Variants in ZGRF1 observed in about 807,000 individuals in gnomAD.
ZGRF1 encodes the protein 5'-3' DNA helicase ZGRF1.
ZGRF1 carries 196 observed loss-of-function variants against 203.5 expected under a neutral mutation model. The ratio of observed to expected loss-of-function variants is 0.96; its 90% CI spans 0.86 to 1.08. The LOEUF is 1.08. Ranked by LOEUF, ZGRF1 falls within the 50% of genes least tolerant of loss-of-function variation. ZGRF1 has a pLI of 0.00. For missense variants in ZGRF1, 2,326 were observed against 2,416.3 expected (o/e 0.96, Z 0.78); for synonymous variants, 809 against 841.3 (o/e 0.96, Z 0.66).
At position 112,618,614 on chromosome 4, in the gene ZGRF1, C is replaced by T. The variant is rs1210589567; in HGVS notation, c.1428G>A (p.Glu476=). The T allele has an allele frequency of 6.2e-7, 1 of 1,613,506 alleles. No homozygotes were observed. Among genetic ancestry groups the T allele is most frequent in the Non-Finnish European group, 8.5e-7 (1 of 1,179,706 alleles). The part of the protein sequence containing the change: ...GTLEKEYEQS[E]SSLPELKHLQ... ...GATGTTTCAGTTCTGGCAGAGATGA[C>T]TCTGATTGTTCATACTCCTTTTCCA... The change falls in exon 6 of 28, where the codon GAG becomes GAA. Residue 476 remains glutamate, a synonymous_variant. Transcript: ENST00000505019.
chr4:112,618,235 ATGTCACTGTAGGTT>A lies in ZGRF1; in HGVS notation c.1793_1806del (p.Lys598IlefsTer4). On this transcript the variant is annotated frameshift_variant, in exon 6 of 28. Coordinates refer to ENST00000505019, the MANE Select transcript of ZGRF1 (RefSeq NM_018392.5). LOFTEE classifies it high-confidence loss of function. ...GATGGCAGAGTCTCTTTAACAGGAA[ATGTCACTGTAGGTT>A]TGTCACTAACAGATGTTAAGAATGG... 3 of 1,613,938 alleles carry A rather than the reference ATGTCACTGTAGGTT, an allele frequency of 1.9e-6. No homozygotes were observed. Among genetic ancestry groups the A allele is most frequent in the Non-Finnish European group, 2.5e-6 (3 of 1,179,906 alleles).
intron 18 of ZGRF1, chr4:112,561,506 G>T (rs1169144341): frequency 6.6e-6 from 1 of 152,410 alleles, no homozygotes; most frequent in East Asian, 1.9e-4. Flanking sequence ...GAAATCAAAG[G>T]ATATTTATTT....
At position 112,566,993 on chromosome 4, in the gene ZGRF1, T is replaced by C. The variant is rs1743230093; in HGVS notation, c.4439-3719A>G. On this transcript the variant is annotated intron_variant, in intron 16 of 27. Coordinates refer to ENST00000505019, the MANE Select transcript of ZGRF1 (RefSeq NM_018392.5). ...GCAATGCAAGTTCTGTGCCATAAAGTGTGGAGAAAAACAGATGGTAACTCA... is the reference window on the plus strand; with the variant it reads ...GCAATGCAAGTTCTGTGCCATAAAGCGTGGAGAAAAACAGATGGTAACTCA... Among the ~76,000 whole-genome samples, 3 of 151,136 alleles carry C rather than the reference T, an allele frequency of 2.0e-5. No individual in the cohort carries two copies. In the South Asian group the frequency reaches 6.3e-4, roughly 32 times the overall value.
intron 2 of ZGRF1, among the ~76,000 whole-genome samples, chr4:112,632,402 T>C (rs146778082): frequency 1.1e-3 from 166 of 152,300 alleles, no homozygotes; most frequent in African/African-American, 3.6e-3. Flanking sequence ...GTACTAATAA[T>C]CTGTGCAGTT....
chr4:112,611,699 T>C (rs1432524290), intron 7 of ZGRF1, among the ~76,000 whole-genome samples: 1 of 152,226 alleles, frequency 6.6e-6, no homozygotes, highest in Non-Finnish European at 1.5e-5. Context: ...GTTTTATATG[T>C]AGGGTAACAG....
intron 6 of ZGRF1, among the ~76,000 whole-genome samples, chr4:112,614,255 T>C (rs1050874476): frequency 2.0e-5 from 3 of 152,206 alleles, no homozygotes; most frequent in South Asian, 2.1e-4. Context: ...TAGAGAAATA[T>C]ATTTGTATCA....
chr4:112,569,240 A>G (rs1479082277), intron 16 of ZGRF1, among the ~76,000 whole-genome samples: 1 of 152,254 alleles, frequency 6.6e-6, no homozygotes, highest in African/African-American at 2.4e-5. Context: ...CAAGATTTAG[A>G]CTAGAACTAC....
At chr4:112,613,989 G>GT (rs1412894706) in intron 6 of ZGRF1, among the ~76,000 whole-genome samples, 3 of 152,122 alleles carry the variant, frequency 2.0e-5, no homozygotes, top group African/African-American at 7.2e-5. Flanking sequence ...TTTCTAACAA[G>GT]TTTTTTTAAA....
chr4:112,602,303 G>T (rs34135583), intron 10 of ZGRF1, among the ~76,000 whole-genome samples: 59,531 of 151,966 alleles, frequency 0.39, 11,883 homozygotes, highest in South Asian at 0.49. Context: ...CTATCAGGCA[G>T]GAAAATGCAA....
intron 14 of ZGRF1, 28 bp from the exon 15 acceptor site, chr4:112,584,202 T>C (rs746197619): frequency 4.0e-5 from 58 of 1,467,774 alleles, no homozygotes; most frequent in Non-Finnish European, 5.0e-5. Flanking sequence ...AGATCAACAT[T>C]TAGTGAAAAA....
In ZGRF1 at chr4:112,618,786, C is replaced by T. The variant is rs137989069; in HGVS notation, c.1256G>A (p.Cys419Tyr). ...FNESSSLQVTCSSAENDGILS... is the reference protein window; with the variant it reads ...FNESSSLQVTYSSAENDGILS... ...TATACCATCATTTTCTGCACTGCTACAAGTAACCTGTAAGCTACTGCTTTC... is the reference window on the plus strand; with the variant it reads ...TATACCATCATTTTCTGCACTGCTATAAGTAACCTGTAAGCTACTGCTTTC... Residue 419 changes from cysteine (C) to tyrosine (Y), a missense_variant, in exon 6 of 28, where the codon TGT becomes TAT. Coordinates refer to ENST00000505019, the MANE Select transcript of ZGRF1 (RefSeq NM_018392.5). The T allele has an allele frequency of 1.1e-5, 17 of 1,612,216 alleles. No individual in the cohort carries two copies. Among genetic ancestry groups the T allele is most frequent in the Admixed American group, 3.3e-5 (2 of 59,980 alleles).
chr4:112,618,134 C>A lies in ZGRF1; in HGVS notation c.1908G>T (p.Glu636Asp). The A allele has an allele frequency of 6.2e-7, 1 of 1,613,830 alleles. No homozygotes were observed. The highest frequency in any genetic ancestry group is 8.5e-7 in the Non-Finnish European group (1 of 1,179,838). ...CKTENTGKEI[E>D]EYSDTLSNFE... ...AATTGCTTAATGTGTCACTATACTC[C>A]TCTATTTCTTTTCCTGTGTTTTCAG... Residue 636 changes from glutamate (E) to aspartate (D), a missense_variant, in exon 6 of 28, where the codon GAG becomes GAT. Transcript: ENST00000505019.
chr4:112,631,355 T>C (rs28379270), intron 3 of ZGRF1, among the ~76,000 whole-genome samples: 8,058 of 151,810 alleles, frequency 0.053, 412 homozygotes, highest in East Asian at 0.19. Flanking sequence ...ATTTTAAAAA[T>C]ATACAAAAAA....
At position 112,589,782 on chromosome 4, in the gene ZGRF1, A is replaced by G; in HGVS notation, c.3069T>C (p.Ser1023=). The change falls in exon 11 of 28, where the codon TCT becomes TCC. Residue 1023 remains serine, a synonymous_variant. Coordinates refer to ENST00000505019, the MANE Select transcript of ZGRF1 (RefSeq NM_018392.5). ...AAGTTCTTGCTTTCAGGGACGTCTC[A>G]GAGAATTCTACCATGAAGTCTTCAT... is the stretch of plus-strand genomic sequence containing the variant. The part of the protein sequence containing the change: ...SRDEDFMVEF[S]ETSLKARTLP... 1 of 1,613,734 alleles carries G rather than the reference A, an allele frequency of 6.2e-7. No individual in the cohort carries two copies. The highest frequency in any genetic ancestry group is 1.1e-5 in the South Asian group (1 of 91,054).
intron 7 of ZGRF1, among the ~76,000 whole-genome samples, chr4:112,610,245 T>C (rs1396311299): frequency 1.3e-5 from 2 of 152,132 alleles, no homozygotes; most frequent in African/African-American, 2.4e-5. Context: ...AAAATAAATA[T>C]TCTAATTGTA....
At chr4:112,606,267 T>G (rs1201037168) in intron 8 of ZGRF1, among the ~76,000 whole-genome samples, 176 bp from the exon 9 acceptor site, 4 of 152,224 alleles carry the variant, frequency 2.6e-5, no homozygotes, top group Admixed American at 2.6e-4. Context: ...GGCAAAGGGG[T>G]ACTTTAGCAG....
intron 10 of ZGRF1, among the ~76,000 whole-genome samples, chr4:112,601,442 C>T (rs1268444434): frequency 2.0e-5 from 3 of 151,694 alleles, no homozygotes; most frequent in Admixed American, 6.6e-5. Flanking sequence ...GGCATGGTGG[C>T]GCATGTCTGT....
chr4:112,607,173 G>A (rs192353749), intron 8 of ZGRF1, among the ~76,000 whole-genome samples: 15 of 152,068 alleles, frequency 9.9e-5, no homozygotes, highest in Non-Finnish European at 1.9e-4. Context: ...CACCCAGGCT[G>A]GAGTGCAGTG....
At chr4:112,601,854 T>A (rs1051819315) in intron 10 of ZGRF1, among the ~76,000 whole-genome samples, 2 of 152,078 alleles carry the variant, frequency 1.3e-5, no homozygotes, top group Non-Finnish European at 2.9e-5. Context: ...TGAGTAGGTA[T>A]CCAAATTATA....
Sources: allele counts gnomAD v4.1 joint callset (sites outside exome capture counted in the v4.1 genomes callset), GRCh38; gene constraint gnomAD v4.1.1; transcripts MANE v1.5; gene names NCBI Gene and HGNC (gene_info 2026-07-23, HGNC 2026-07-21).